The following ABTB2 variants were observed in gnomAD, a reference collection of about 807,000 sequenced individuals.
ABTB2 encodes ankyrin repeat and BTB domain containing 2.
A neutral mutation model predicts 104.1 loss-of-function variants in ABTB2; 56 were observed. The ratio of observed to expected loss-of-function variants is 0.54; its 90% confidence interval spans 0.43 to 0.67. The LOEUF is 0.67. Ranked by LOEUF, ABTB2 falls within the 30% of genes least tolerant of loss-of-function variation. ABTB2 has a pLI of 0.00. For missense variants in ABTB2, 1,279 were observed against 1,407.7 expected, an observed-to-expected ratio of 0.91 and a Z score of 1.46; for synonymous variants, 606 against 608.2, an observed-to-expected ratio of 1.00 and a Z score of 0.05.
chr11:34,177,505 T>C (rs1852971621), intron 3 of ABTB2, among the ~76,000 whole-genome samples: 1 of 152,208 alleles, frequency 6.6e-6, no homozygotes, highest in South Asian at 2.1e-4. Context: ...GAGGCCACCT[T>C]TGTGTTCCCT....
intron 1 of ABTB2, among the ~76,000 whole-genome samples, chr11:34,315,940 C>T (rs1045048864): frequency 4.6e-5 from 7 of 152,144 alleles, no homozygotes; most frequent in Non-Finnish European, 7.4e-5. Flanking sequence ...CGAGCTTATG[C>T]GGCAATTTCT....
chr11:34,281,112 C>A (rs1854444020), intron 1 of ABTB2, among the ~76,000 whole-genome samples: 1 of 152,094 alleles, frequency 6.6e-6, no homozygotes, highest in Non-Finnish European at 1.5e-5. Flanking sequence ...AACCTCCACC[C>A]AAACCACTGT....
chr11:34,167,446 G>C, intron 6 of ABTB2, 86 bp from the exon 7 acceptor site: 1 of 1,074,044 alleles, frequency 9.3e-7, no homozygotes, highest in South Asian at 1.4e-5. Context: ...GAGTTAACAA[G>C]TGCTTTCTAC....
chr11:34,299,348 AT>A (rs1356305370), intron 1 of ABTB2, among the ~76,000 whole-genome samples: 4 of 152,206 alleles, frequency 2.6e-5, no homozygotes, highest in African/African-American at 9.6e-5. Context: ...ATCCAAATTG[AT>A]GGTTTTTTTT....
chr11:34,162,615 G>A lies in ABTB2; in HGVS notation c.2179C>T (p.His727Tyr), dbSNP rs778435712. The A allele has an allele frequency of 1.2e-6, 2 of 1,613,656 alleles. No individual in the cohort carries two copies. The highest frequency in any genetic ancestry group is 1.7e-5 in the Admixed American group (1 of 60,028). Residue 727 changes from histidine to tyrosine, a missense_variant, in exon 10 of 17, where the codon CAC becomes TAC. His to Tyr is a moderately conservative substitution (Grantham distance 83). Coordinates refer to ENST00000435224, the MANE Select transcript of ABTB2 (RefSeq NM_145804.3). The stretch of plus-strand genomic sequence containing the variant: ...TCCATGGTGATGTCCACGTAGCCGT[G>A]CTCAGCGCTGTAGTACATGGCCTCC... ...LQEAMYYSAE[H>Y]GYVDITMELR... is the part of the protein sequence containing the mutation.
At position 34,168,001 on chromosome 11, in the gene ABTB2, A is replaced by G; in HGVS notation, c.1564-9T>C. On this transcript the variant is annotated splice_polypyrimidine_tract_variant and intron_variant, in intron 5 of 16. Coordinates refer to ENST00000435224, the MANE Select transcript of ABTB2 (RefSeq NM_145804.3). ...ATCAGTGGCGTCATACCCTGAGCAA[A>G]TCAAATGCACGTGCTAAACTGTTTG... 1 of 1,613,600 alleles carries G rather than the reference A, an allele frequency of 6.2e-7. No homozygotes were observed. Among genetic ancestry groups the G allele is most frequent in the Non-Finnish European group, 8.5e-7 (1 of 1,179,768 alleles).
rs2133074982 is a variant in ABTB2, at chr11:34,261,774, C to T, written c.884-57084G>A. Among the ~76,000 whole-genome samples the T allele has an allele frequency of 2.6e-5, 4 of 152,328 alleles. No homozygotes were observed. In the East Asian group the frequency reaches 7.7e-4, roughly 29 times the overall value. ...AACGCTATCACACATTTTCCTCTGG[C>T]TTCCCCCACCCAAGGCATAGCCAGT... On this transcript the variant is annotated intron_variant, in intron 1 of 16. Transcript: ENST00000435224.
chr11:34,230,121 G>A (rs375357406), intron 1 of ABTB2, among the ~76,000 whole-genome samples: 9 of 152,326 alleles, frequency 5.9e-5, no homozygotes, highest in Non-Finnish European at 8.8e-5. Flanking sequence ...GGTGGCACAC[G>A]CACTCAGCAC....
chr11:34,163,226 C>T (rs1266315477), intron 9 of ABTB2, among the ~76,000 whole-genome samples: 1 of 152,174 alleles, frequency 6.6e-6, no homozygotes. Context: ...GCCTGAAACA[C>T]AGCAGGTCTT....
intron 1 of ABTB2, among the ~76,000 whole-genome samples, chr11:34,301,519 G>A (rs182557858): frequency 1.6e-4 from 24 of 152,266 alleles, no homozygotes; most frequent in Non-Finnish European, 1.8e-4. Context: ...AAGCATGAAG[G>A]CCTAGCCTCA....
intron 1 of ABTB2, among the ~76,000 whole-genome samples, chr11:34,303,922 T>A (rs1037439700): frequency 1.1e-4 from 16 of 152,146 alleles, no homozygotes; most frequent in Non-Finnish European, 1.6e-4. Flanking sequence ...GGATTACAGG[T>A]GTAAGCCACC....
At chr11:34,231,022 C>T (rs971379293) in intron 1 of ABTB2, among the ~76,000 whole-genome samples, 1 of 152,058 alleles carries the variant, frequency 6.6e-6, no homozygotes, top group African/African-American at 2.4e-5. Flanking sequence ...ATCCTAGATT[C>T]TAATAGCATT....
chr11:34,318,834 ACTAGT>A (rs1854969562), intron 1 of ABTB2, among the ~76,000 whole-genome samples: 1 of 152,206 alleles, frequency 6.6e-6, no homozygotes, highest in Non-Finnish European at 1.5e-5. Context: ...CAGCTTAACC[ACTAGT>A]CTAAGTAATC....
At chr11:34,266,235 A>G (rs1212737836) in intron 1 of ABTB2, among the ~76,000 whole-genome samples, 2 of 152,088 alleles carry the variant, frequency 1.3e-5, no homozygotes, top group African/African-American at 4.8e-5. Flanking sequence ...GGCACATGCC[A>G]CCATGCCTAG....
chr11:34,335,737 T>A, intron 1 of ABTB2: 1 of 1,398,500 alleles, frequency 7.2e-7, no homozygotes, highest in Non-Finnish European at 1.0e-6. Context: ...GCTTTTCTTC[T>A]GTGAAGCAGT....
chr11:34,201,157 A>G (rs915003344), intron 2 of ABTB2, among the ~76,000 whole-genome samples: 1 of 152,136 alleles, frequency 6.6e-6, no homozygotes, highest in Non-Finnish European at 1.5e-5. Flanking sequence ...TCTCAGTTTA[A>G]GCATGGCAGG....
At chr11:34,271,192 A>T (rs921279440) in intron 1 of ABTB2, among the ~76,000 whole-genome samples, 1 of 152,232 alleles carries the variant, frequency 6.6e-6, no homozygotes, top group Non-Finnish European at 1.5e-5. Flanking sequence ...ATAGAAAATA[A>T]GTCCTTGCCA....
intron 1 of ABTB2, among the ~76,000 whole-genome samples, chr11:34,325,085 G>A (rs1156336525): frequency 6.6e-6 from 1 of 152,118 alleles, no homozygotes; most frequent in Non-Finnish European, 1.5e-5. Flanking sequence ...ACAGGTATGA[G>A]CCACCATACC....
At chr11:34,226,936 T>C (rs1452426877) in intron 1 of ABTB2, among the ~76,000 whole-genome samples, 3 of 151,998 alleles carry the variant, frequency 2.0e-5, no homozygotes, top group African/African-American at 4.8e-5. Flanking sequence ...TGTGGCAGTG[T>C]ACGCCTGTAG....
Sources: allele counts gnomAD v4.1 joint callset (sites outside exome capture counted in the v4.1 genomes callset), GRCh38; gene constraint gnomAD v4.1.1; transcripts MANE v1.5; gene names NCBI Gene and HGNC (gene_info 2026-07-23, HGNC 2026-07-21).